Variants in HDAC9 observed in about 807,000 individuals in gnomAD.
The protein encoded by HDAC9 is histone deacetylase 9.
HDAC9 carries 41 observed loss-of-function variants against 139.4 expected under a neutral mutation model. That is an observed-to-expected ratio of 0.29 (90% CI 0.23 to 0.38). The LOEUF (loss-of-function observed/expected upper bound fraction) is 0.38. HDAC9 is among the 10% of genes least tolerant of loss of function. The pLI is 1.00. For missense variants in HDAC9, 1,147 were observed against 1,297.0 expected (o/e 0.88, Z 1.78); for synonymous variants, 517 against 476.2 (o/e 1.09, Z -1.12).
intron 2 of HDAC9, among the ~76,000 whole-genome samples, chr7:18,239,471 T>C (rs1282758631): frequency 6.6e-6 from 1 of 152,174 alleles, no homozygotes; most frequent in Non-Finnish European, 1.5e-5. Context: ...CGTTTTGATG[T>C]ACATAAAAGC....
intron 2 of HDAC9, among the ~76,000 whole-genome samples, chr7:18,207,539 C>CTTGTTTTTTTTTTTTT (rs1791615394): frequency 1.9e-5 from 1 of 53,734 alleles, no homozygotes; most frequent in Non-Finnish European, 3.1e-5. Flanking sequence ...CCCAAGGAGT[C>CTTGTTTTTTTTTTTTT]TTTTTTTTTT....
At chr7:18,114,865 C>T (rs1163304583) in intron 1 of HDAC9, among the ~76,000 whole-genome samples, 1 of 152,210 alleles carries the variant, frequency 6.6e-6, no homozygotes, top group Non-Finnish European at 1.5e-5. Flanking sequence ...TATATTCAGA[C>T]TTCTTGTTTG....
chr7:18,873,267 C>G (rs6461394), intron 21 of HDAC9, among the ~76,000 whole-genome samples: 70,636 of 151,898 alleles, frequency 0.47, 17,101 homozygotes, highest in African/African-American at 0.6. Flanking sequence ...GTTTTATGAT[C>G]AGCCAATTCA....
At chr7:18,989,025 A>G (rs1035948838) in intron 25 of HDAC9, among the ~76,000 whole-genome samples, 1 of 106,324 alleles carries the variant, frequency 9.4e-6, no homozygotes, top group Non-Finnish European at 2.1e-5. Flanking sequence ...CCAATTTGCC[A>G]GTCTGTGTCT....
intron 6 of HDAC9, among the ~76,000 whole-genome samples, chr7:18,624,657 A>G (rs1429822370): frequency 6.6e-6 from 1 of 152,056 alleles, no homozygotes; most frequent in Admixed American, 6.6e-5. Context: ...TGGCATGGAA[A>G]TCTTCAGCCT....
intron 17 of HDAC9, among the ~76,000 whole-genome samples, chr7:18,798,565 T>C (rs77874889): frequency 0.014 from 2,076 of 152,282 alleles, 44 homozygotes; most frequent in African/African-American, 0.047. Flanking sequence ...GATAATGGAA[T>C]TGGAACTCCT....
intron 1 of HDAC9, among the ~76,000 whole-genome samples, chr7:18,141,440 A>G (rs1374485692): frequency 6.6e-6 from 1 of 152,106 alleles, no homozygotes; most frequent in African/African-American, 2.4e-5. Context: ...CTGCTGCTTG[A>G]GCAGGAAATT....
At chr7:18,987,931 T>A (rs942983017) in intron 25 of HDAC9, among the ~76,000 whole-genome samples, 1 of 149,938 alleles carries the variant, frequency 6.7e-6, no homozygotes, top group African/African-American at 2.4e-5. Flanking sequence ...TATCATTTTT[T>A]ATCGCATCTA....
At chr7:18,511,548 A>C (rs2128188021) in intron 2 of HDAC9, among the ~76,000 whole-genome samples, 1 of 152,246 alleles carries the variant, frequency 6.6e-6, no homozygotes, top group East Asian at 1.9e-4. Flanking sequence ...GTGAGCCGAC[A>C]TCACTCCATT....
chr7:18,194,540 A>G (rs1790597484), intron 2 of HDAC9, among the ~76,000 whole-genome samples: 1 of 152,186 alleles, frequency 6.6e-6, no homozygotes, highest in Non-Finnish European at 1.5e-5. Flanking sequence ...TGCTATGAAA[A>G]TAGGCCCAAG....
intron 16 of HDAC9, among the ~76,000 whole-genome samples, chr7:18,787,226 T>A (rs1376411841): frequency 6.6e-6 from 1 of 152,120 alleles, no homozygotes. Context: ...ACTAAATCTT[T>A]CTTATGGGCC....
At chr7:18,678,981 A>C (rs1584822738) in intron 12 of HDAC9, among the ~76,000 whole-genome samples, 1 of 151,936 alleles carries the variant, frequency 6.6e-6, no homozygotes. Context: ...AGCATTTAAC[A>C]GGGGTGGATG....
chr7:18,796,277 G>T (rs985000821), intron 17 of HDAC9, among the ~76,000 whole-genome samples: 2 of 152,166 alleles, frequency 1.3e-5, no homozygotes, highest in African/African-American at 4.8e-5. Context: ...AAAAGAAAAT[G>T]CCAGAAAAAA....
chr7:18,514,718 T>C (rs376106269), intron 2 of HDAC9, among the ~76,000 whole-genome samples: 1 of 152,298 alleles, frequency 6.6e-6, no homozygotes, highest in African/African-American at 2.4e-5. Flanking sequence ...GGTGGGAGGA[T>C]AGCTTGAGGC....
At chr7:18,928,333 G>C (rs867429177) in intron 22 of HDAC9, among the ~76,000 whole-genome samples, 7 of 152,264 alleles carry the variant, frequency 4.6e-5, no homozygotes, top group Middle Eastern at 6.8e-3. Context: ...ATATACATGG[G>C]TTCTAAAAGA....
At position 18,666,295 on chromosome 7, in the gene HDAC9, C is replaced by A; in HGVS notation, c.1550C>A (p.Ala517Glu). The change falls in exon 12 of 26, where the codon GCG (alanine) becomes GAG (glutamate). Residue 517 changes from alanine (A) to glutamate (E), a missense_variant. Physicochemically the swap from Ala to Glu is moderately radical, Grantham distance 107 (BLOSUM62 -1). Around this residue, in one of 7 missense-constraint regions of HDAC9, gnomAD observed 256 missense variants for 219.2 expected, o/e 1.17. Transcript: ENST00000686413. ...GAGGAAGAGCTTCAGGGGGACCAGG[C>A]GATGCAGGAAGACAGAGCGCCCTCT... ...EAEEELQGDQ[A>E]MQEDRAPSSG... The A allele has an allele frequency of 6.2e-7, 1 of 1,613,364 alleles. No homozygotes were observed. The highest frequency in any genetic ancestry group is 8.5e-7 in the Non-Finnish European group (1 of 1,179,576).
At chr7:18,423,446 C>G (rs1789826114) in intron 1 of HDAC9, among the ~76,000 whole-genome samples, 1 of 152,166 alleles carries the variant, frequency 6.6e-6, no homozygotes, top group South Asian at 2.1e-4. Flanking sequence ...TTACAAGATG[C>G]TTAAAGCAGT....
At chr7:18,238,541 A>G (rs1793977070) in intron 2 of HDAC9, among the ~76,000 whole-genome samples, 1 of 152,188 alleles carries the variant, frequency 6.6e-6, no homozygotes, top group African/African-American at 2.4e-5. Context: ...AGAAAGATAG[A>G]CCCTCTATAT....
intron 1 of HDAC9, among the ~76,000 whole-genome samples, chr7:18,301,961 A>G (rs886984743): frequency 6.6e-6 from 1 of 152,222 alleles, no homozygotes; most frequent in Admixed American, 6.5e-5. Flanking sequence ...TATGCATTTG[A>G]CCAAGTAATT....
Sources: allele counts gnomAD v4.1 joint callset (sites outside exome capture counted in the v4.1 genomes callset), GRCh38; gene constraint gnomAD v4.1.1; regional missense constraint gnomAD v4.1.1; transcripts MANE v1.5; gene names NCBI Gene and HGNC (gene_info 2026-07-23, HGNC 2026-07-21).